The following ERCC1 variants were observed in gnomAD, a reference collection of about 807,000 sequenced individuals.
The protein encoded by ERCC1 is DNA excision repair protein ERCC-1.
In ERCC1, 36 loss-of-function variants were observed where a neutral mutation model predicts 37.6. The observed-to-expected ratio is 0.96, with a 90% CI of 0.73 to 1.26. The LOEUF (loss-of-function observed/expected upper bound fraction) is 1.26. Among genes scored for constraint, ERCC1 ranks in the 50% most tolerant of loss-of-function variants. The pLI is 0.00. For missense variants in ERCC1, 349 were observed against 376.5 expected (o/e 0.93, Z 0.60); for synonymous variants, 156 against 162.1 (o/e 0.96, Z 0.28).
At chr19:45,439,730 CGCCCGGGA>C (rs1377189213) in intron 1 of ERCC1, among the ~76,000 whole-genome samples, 1 of 151,984 alleles carries the variant, frequency 6.6e-6, no homozygotes, top group African/African-American at 2.4e-5. Flanking sequence ...GGCTCGCCGG[CGCCCGGGA>C]GCCCGGGAGG....
chr19:45,446,652 G>A (rs547488895), intron 1 of ERCC1, among the ~76,000 whole-genome samples: 4 of 152,136 alleles, frequency 2.6e-5, no homozygotes, highest in African/African-American at 9.6e-5. Flanking sequence ...CATCCATGTG[G>A]GCCCCAGGAC....
At chr19:45,436,353 G>A (rs568637156) in intron 1 of ERCC1, among the ~76,000 whole-genome samples, 3 of 152,236 alleles carry the variant, frequency 2.0e-5, no homozygotes, top group Non-Finnish European at 2.9e-5. Context: ...TCGGCCGGGC[G>A]CCGTGGCTCA....
intron 2 of ERCC1, among the ~76,000 whole-genome samples, chr19:45,421,992 G>A (rs1974464510): frequency 6.6e-6 from 1 of 151,926 alleles, no homozygotes; most frequent in African/African-American, 2.4e-5. Context: ...CCAGAAGGCT[G>A]AGAGCTCAAA....
intron 1 of ERCC1, among the ~76,000 whole-genome samples, chr19:45,441,677 ATT>A (rs772257774): frequency 2.4e-5 from 3 of 123,058 alleles, no homozygotes. Context: ...GTCCAGCCTA[ATT>A]TTTTTTTTTT....
chr19:45,450,561 G>C (rs1967083212), intron 1 of ERCC1: 1 of 152,392 alleles, frequency 6.6e-6, no homozygotes, highest in Non-Finnish European at 1.5e-5. Context: ...ACTGAGTTCA[G>C]GAGTTCGAGA....
intron 1 of ERCC1, among the ~76,000 whole-genome samples, chr19:45,446,953 G>A (rs1019148051): frequency 6.6e-6 from 1 of 152,014 alleles, no homozygotes; most frequent in Admixed American, 6.6e-5. Context: ...AGCCAAGAAC[G>A]CGCCATTGCA....
intron 1 of ERCC1, among the ~76,000 whole-genome samples, chr19:45,430,134 A>G (rs574933122): frequency 2.5e-4 from 38 of 152,306 alleles, no homozygotes; most frequent in African/African-American, 8.7e-4. Flanking sequence ...TGGGAGCCCC[A>G]TAAGGGCAGG....
chr19:45,428,083 C>CTTTCTT (rs1555790018), upstream of ERCC1, among the ~76,000 whole-genome samples: 4 of 116,018 alleles, frequency 3.4e-5, no homozygotes, highest in Admixed American at 8.9e-5. Context: ...TTCTTTCTTT[C>CTTTCTT]TTTTTTTTTT....
At chr19:45,410,697 T>G (rs1973681935) in intron 9 of ERCC1, 1 of 152,098 alleles carries the variant, frequency 6.6e-6, no homozygotes, top group African/African-American at 2.4e-5. Flanking sequence ...TTCAATTGTT[T>G]TGATTTTTAG....
chr19:45,421,071 G>T, intron 3 of ERCC1, 107 bp downstream of exon 3: 1 of 888,128 alleles, frequency 1.1e-6, no homozygotes, highest in East Asian at 2.5e-5. Flanking sequence ...GAATGAATGG[G>T]GAGAACAAAG....
chr19:45,421,833 ATGT>A (rs1418211121), intron 2 of ERCC1, among the ~76,000 whole-genome samples: 1 of 151,786 alleles, frequency 6.6e-6, no homozygotes, highest in Non-Finnish European at 1.5e-5. Flanking sequence ...GGGTTTCAAC[ATGT>A]TGTCCAGGCT....
At chr19:45,427,162 G>T (rs1007764118), upstream of ERCC1, among the ~76,000 whole-genome samples, 11 of 151,840 alleles carry the variant, frequency 7.2e-5, no homozygotes, top group Non-Finnish European at 1.5e-4. Context: ...ACAAAAAAAC[G>T]AAAGAAAAGA....
At chr19:45,450,529 G>A (rs1199109130) in intron 1 of ERCC1, 1 of 152,430 alleles carries the variant, frequency 6.6e-6, no homozygotes, top group Non-Finnish European at 1.5e-5. Flanking sequence ...CAACACTTTG[G>A]GAGGCCTAGG....
At chr19:45,433,637 G>A (rs987229242) in intron 1 of ERCC1, among the ~76,000 whole-genome samples, 6 of 150,070 alleles carry the variant, frequency 4.0e-5, no homozygotes, top group African/African-American at 4.9e-5. Context: ...GCAGTGAGCC[G>A]AAATTGTACC....
chr19:45,409,309 G>T lies in ERCC1; in HGVS notation c.*366C>A. 1.2e-6 allele frequency: 2 copies of T among 1,614,106 alleles called. No individual in the cohort carries two copies. The highest frequency in any genetic ancestry group is 1.7e-6 in the Non-Finnish European group (2 of 1,180,020). On this transcript the variant is annotated 3_prime_UTR_variant, in exon 10 of 10. Coordinates refer to ENST00000300853, the MANE Select transcript of ERCC1 (RefSeq NM_001983.4). ...AGCCACTAGAGCCTGAACTGCCAGG[G>T]GAGGGACAGCCTGAAGCCAGGGCAA...
intron 1 of ERCC1, among the ~76,000 whole-genome samples, chr19:45,445,890 T>A (rs1365881857): frequency 4.6e-5 from 7 of 152,076 alleles, no homozygotes; most frequent in Admixed American, 4.6e-4. Flanking sequence ...AATTAATTTA[T>A]TTATTTATTT....
At chr19:45,449,807 A>T (rs1306793507) in intron 1 of ERCC1, among the ~76,000 whole-genome samples, 1 of 152,046 alleles carries the variant, frequency 6.6e-6, no homozygotes, top group East Asian at 1.9e-4. Context: ...CCTACTAAAA[A>T]TACAAAATTA....
chr19:45,408,290 G>A lies in ERCC1; in HGVS notation c.*1385C>T. 5 of 1,613,738 alleles carry A rather than the reference G, an allele frequency of 3.1e-6. No individual in the cohort carries two copies. The highest frequency in any genetic ancestry group is 4.2e-6 in the Non-Finnish European group (5 of 1,179,790). The stretch of plus-strand genomic sequence containing the variant: ...GGAGGCAGGAGGTGGACTCACCTGT[G>A]CCTCAGCCCCCCAGGGCACCCTAAG... On this transcript the variant is annotated 3_prime_UTR_variant, in exon 10 of 10. Transcript: ENST00000300853.
chr19:45,427,215 T>G (rs1974716050), upstream of ERCC1, among the ~76,000 whole-genome samples: 1 of 152,076 alleles, frequency 6.6e-6, no homozygotes, highest in African/African-American at 2.4e-5. Flanking sequence ...TTCTTAGTAT[T>G]GTTTCTTGCA....
Sources: gnomAD v4.1 joint callset for allele counts (sites outside exome capture counted in the v4.1 genomes callset) on GRCh38, gnomAD v4.1.1 for gene constraint, MANE v1.5 for transcripts, NCBI Gene and HGNC (gene_info 2026-07-23, HGNC 2026-07-21) for gene names.